AKAP19: variants seen among roughly 807,000 people sequenced by gnomAD.
AKAP19 encodes the protein small A-kinase anchoring protein.
chr2:190,183,138 G>T, the AKAP19 span, among the ~76,000 whole-genome samples: 1 of 152,166 alleles, frequency 6.6e-6, no homozygotes, highest in East Asian at 1.9e-4. Context: ...GCTGGTTTTG[G>T]AGTCTGGCCC....
the AKAP19 span, among the ~76,000 whole-genome samples, chr2:189,968,748 C>A: frequency 6.6e-6 from 1 of 152,116 alleles, no homozygotes; most frequent in African/African-American, 2.4e-5. Flanking sequence ...AAGACAAGAG[C>A]ATTACTAGGA....
At chr2:189,940,363 G>A in the AKAP19 span, among the ~76,000 whole-genome samples, 99,528 of 150,754 alleles carry the variant, frequency 0.66, 34,096 homozygotes, top group South Asian at 0.78. Flanking sequence ...GGAGAATGGC[G>A]TGAACTCAGG....
chr2:189,891,923 G>A, the AKAP19 span, among the ~76,000 whole-genome samples: 1 of 151,840 alleles, frequency 6.6e-6, no homozygotes, highest in Admixed American at 6.6e-5. Flanking sequence ...TGGAGGTTTT[G>A]TTCATTCCTT....
the AKAP19 span, chr2:190,062,103 C>T: frequency 4.0e-6 from 4 of 1,010,050 alleles, no homozygotes; most frequent in South Asian, 4.8e-5. Context: ...AAACTCTTTT[C>T]CTTTCTACTT....
the AKAP19 span, among the ~76,000 whole-genome samples, chr2:190,144,266 T>C: frequency 1.3e-5 from 2 of 150,936 alleles, no homozygotes; most frequent in African/African-American, 4.8e-5. Context: ...AAAAAGAGTT[T>C]TTGAGTTCTC....
At chr2:190,086,774 G>A in the AKAP19 span, among the ~76,000 whole-genome samples, 6 of 152,188 alleles carry the variant, frequency 3.9e-5, no homozygotes, top group Admixed American at 6.5e-5. Flanking sequence ...CTCAGAGAAT[G>A]TCTTGCCTTT....
At chr2:190,002,773 G>C in the AKAP19 span, among the ~76,000 whole-genome samples, 1 of 152,118 alleles carries the variant, frequency 6.6e-6, no homozygotes, top group Non-Finnish European at 1.5e-5. Flanking sequence ...CCTACCTACA[G>C]AGATGCCAAA....
chr2:190,168,386 A>T, the AKAP19 span, among the ~76,000 whole-genome samples: 1 of 152,236 alleles, frequency 6.6e-6, no homozygotes, highest in East Asian at 1.9e-4. Context: ...AGGGCCTCTG[A>T]CATGCCCTGG....
the AKAP19 span, among the ~76,000 whole-genome samples, chr2:190,014,099 A>T: frequency 6.6e-6 from 1 of 152,160 alleles, no homozygotes; most frequent in East Asian, 1.9e-4. Flanking sequence ...CCTACATCCC[A>T]TAAGTTTTGG....
At chr2:190,079,887 G>GTGTT in the AKAP19 span, 1 of 99,284 alleles carries the variant, frequency 1.0e-5, no homozygotes, top group Non-Finnish European at 2.3e-5. Flanking sequence ...GTGTGTGTGT[G>GTGTT]TGTGAGAGAG....
At chr2:190,144,350 A>G in the AKAP19 span, among the ~76,000 whole-genome samples, 1 of 151,888 alleles carries the variant, frequency 6.6e-6, no homozygotes, top group Non-Finnish European at 1.5e-5. Flanking sequence ...ATTTCTCTGT[A>G]TCATAATCTA....
chr2:189,959,059 T>C, the AKAP19 span, among the ~76,000 whole-genome samples: 77 of 152,154 alleles, frequency 5.1e-4, no homozygotes, highest in Non-Finnish European at 9.6e-4. Context: ...AGGACTTCAA[T>C]TGTGATGTTA....
the AKAP19 span, among the ~76,000 whole-genome samples, chr2:190,065,827 G>A: frequency 6.6e-6 from 1 of 152,066 alleles, no homozygotes; most frequent in African/African-American, 2.4e-5. Flanking sequence ...GTATTGAATG[G>A]GTGAAGAAGA....
At chr2:190,115,786 T>C in the AKAP19 span, among the ~76,000 whole-genome samples, 3 of 152,174 alleles carry the variant, frequency 2.0e-5, no homozygotes, top group African/African-American at 2.4e-5. Context: ...AGGTGAGGAA[T>C]GGGAGAAATG....
the AKAP19 span, among the ~76,000 whole-genome samples, chr2:189,998,701 T>C: frequency 1.3e-5 from 2 of 151,774 alleles, no homozygotes; most frequent in African/African-American, 4.8e-5. Context: ...ATTTTTTACT[T>C]CAATAATTTT....
the AKAP19 span, among the ~76,000 whole-genome samples, chr2:190,193,898 T>C: frequency 6.6e-6 from 1 of 152,162 alleles, no homozygotes. Flanking sequence ...TTTAAACTTT[T>C]CTTCTTTTCT....
chr2:190,119,774 A>G, the AKAP19 span, among the ~76,000 whole-genome samples: 1 of 152,188 alleles, frequency 6.6e-6, no homozygotes. Context: ...CCCATGTGAC[A>G]TTCTGAAAAA....
At chr2:190,163,778 C>T in the AKAP19 span, among the ~76,000 whole-genome samples, 2 of 152,324 alleles carry the variant, frequency 1.3e-5, no homozygotes, top group African/African-American at 4.8e-5. Context: ...CCCTTTGTTA[C>T]GAGCTCAATG....
the AKAP19 span, among the ~76,000 whole-genome samples, chr2:189,908,199 C>CTT: frequency 0.11 from 15,981 of 141,240 alleles, 1,088 homozygotes; most frequent in Middle Eastern, 0.16. Context: ...TTACTATATA[C>CTT]TTTTTTTTTT....
Sources: allele counts gnomAD v4.1 joint callset (sites outside exome capture counted in the v4.1 genomes callset), GRCh38; gene constraint gnomAD v4.1.1; transcripts MANE v1.5; gene names NCBI Gene and HGNC (gene_info 2026-07-23, HGNC 2026-07-21).